The following POLR3E variants were observed in gnomAD, a reference collection of about 807,000 sequenced individuals.
POLR3E encodes RNA polymerase III subunit E.
POLR3E carries 41 observed loss-of-function variants against 96.6 expected under a neutral mutation model. That is an observed-to-expected ratio of 0.42 (90% CI 0.33 to 0.55). The LOEUF (loss-of-function observed/expected upper bound fraction) is 0.55, where lower values mean the gene tolerates loss of function less well. Among genes scored for constraint, POLR3E ranks in the 20% least tolerant of loss-of-function variants. The pLI, the probability that POLR3E is intolerant of heterozygous loss-of-function variation, is 0.06. For missense variants in POLR3E, 849 were observed against 952.1 expected (o/e 0.89, Z 1.43); for synonymous variants, 396 against 383.6 (o/e 1.03, Z -0.38).
intron 13 of POLR3E, among the ~76,000 whole-genome samples, chr16:22,320,626 A>G: frequency 6.6e-6 from 1 of 152,090 alleles, no homozygotes; most frequent in South Asian, 2.1e-4. Context: ...GTCAATCAAT[A>G]TTCTTTACTC....
At chr16:22,319,733 A>G (rs2048433120) in intron 13 of POLR3E, among the ~76,000 whole-genome samples, 1 of 152,162 alleles carries the variant, frequency 6.6e-6, no homozygotes, top group African/African-American at 2.4e-5. Flanking sequence ...CACATAATGT[A>G]CATATTTATG....
intron 4 of POLR3E, 105 bp from the exon 5 acceptor site, chr16:22,308,820 C>T (rs1030919523): frequency 4.3e-5 from 30 of 700,240 alleles, no homozygotes; most frequent in African/African-American, 7.1e-5. Flanking sequence ...GTCTCGCTTC[C>T]GGGCAGGGTC....
chr16:22,330,988 CTTTTTTTTTTTTTTTTT>C lies in POLR3E; in HGVS notation c.1945-1054_1945-1038del, dbSNP rs56100056. Among the ~76,000 whole-genome samples, 14 of 50,766 alleles carry C rather than the reference CTTTTTTTTTTTTTTTTT, an allele frequency of 2.8e-4. No individual in the cohort carries two copies. In the East Asian group the frequency reaches 2.9e-3, roughly 11 times the overall value. 33.3% of individuals were successfully genotyped at this position (50,766 alleles called of 152,430 possible). A position where few individuals can be genotyped will look rare whatever the true frequency, so the allele number is the denominator to read the frequency against. ...GACAAATAGTGATACATGAAGCATC[CTTTTTTTTTTTTTTTTT>C]TTTTTTTTTTTTTTTTTGAGACAGA... On this transcript the variant is annotated intron_variant, in intron 19 of 20. Transcript: ENST00000299853.
At position 22,322,747 on chromosome 16, in the gene POLR3E, G is replaced by T; in HGVS notation, c.987-103G>T. On this transcript the variant is annotated intron_variant, in intron 13 of 20. Transcript: ENST00000299853. This position sits in a 1 kb window ranked among gnomAD's most constrained non-coding sequence, Gnocchi z 5.2. Reference sequence around the variant, plus strand: ...GTCTTGGGGCTCAGGCCTGTACCCAGCCCACGGTGGAAAGAAGCATGGACT... The same window carrying T: ...GTCTTGGGGCTCAGGCCTGTACCCATCCCACGGTGGAAAGAAGCATGGACT... 2.6e-6 allele frequency: 2 copies of T among 776,652 alleles called. No homozygotes were observed. Among genetic ancestry groups the T allele is most frequent in the Non-Finnish European group, 4.4e-6 (2 of 457,626 alleles). 48.1% of individuals were successfully genotyped at this position (776,652 alleles called of 1,614,324 possible).
intron 9 of POLR3E, among the ~76,000 whole-genome samples, chr16:22,316,010 C>T (rs1362105129): frequency 6.6e-6 from 1 of 152,120 alleles, no homozygotes; most frequent in Non-Finnish European, 1.5e-5. Context: ...AAACTGTGTA[C>T]TGAGTGAGGG....
intron 13 of POLR3E, among the ~76,000 whole-genome samples, chr16:22,321,739 C>T (rs577324352): frequency 1.3e-5 from 2 of 152,316 alleles, no homozygotes; most frequent in Non-Finnish European, 2.9e-5. Context: ...GGTGCTGCCC[C>T]TTTTAGTTTC....
intron 5 of POLR3E, 55 bp downstream of exon 5, chr16:22,309,095 C>A: frequency 1.6e-6 from 2 of 1,258,628 alleles, no homozygotes; most frequent in Non-Finnish European, 2.3e-6. Context: ...CAGGAGCCTC[C>A]AAAAGACCTT....
At chr16:22,323,392 C>T (rs1487002688) in intron 14 of POLR3E, among the ~76,000 whole-genome samples, 1 of 152,012 alleles carries the variant, frequency 6.6e-6, no homozygotes, top group African/African-American at 2.4e-5. Flanking sequence ...GTTTGGGACT[C>T]CTGAGCTGGT....
Position 22,328,641 on chromosome 16 carries a change from C to T in POLR3E, c.1944+54C>T, listed in dbSNP as rs1018868564. The T allele has an allele frequency of 4.8e-5, 69 of 1,441,318 alleles. No individual in the cohort carries two copies. In the East Asian group the frequency reaches 5.0e-4, roughly 10 times the overall value. 89.3% of individuals were successfully genotyped at this position (1,441,318 alleles called of 1,614,324 possible). A position where few individuals can be genotyped will look rare whatever the true frequency, so the allele number is the denominator to read the frequency against. On this transcript the variant is annotated intron_variant, in intron 19 of 20. Transcript: ENST00000299853. ...GAAGAGCCAGGGGGGTTTCCTGCAG[C>T]GTTGGAGGCCTTGGGGGACATGTGC...
At chr16:22,331,355 C>T (rs1171126049) in intron 19 of POLR3E, 1 of 152,128 alleles carries the variant, frequency 6.6e-6, no homozygotes, top group Non-Finnish European at 1.5e-5. Flanking sequence ...CCTTCTTGGT[C>T]TTTTAAATTT....
chr16:22,326,601 C>T (rs2048601137), intron 18 of POLR3E: 1 of 465,510 alleles, frequency 2.1e-6, no homozygotes, highest in Admixed American at 3.6e-5. Flanking sequence ...ACACCTGTTT[C>T]CTACTAGCTT....
At chr16:22,315,018 CAG>C in intron 8 of POLR3E, 69 bp from the exon 9 acceptor site, 2 of 1,546,298 alleles carry the variant, frequency 1.3e-6, no homozygotes, top group South Asian at 2.3e-5. Context: ...GGTCTTCTGG[CAG>C]GGGCTGAGAC....
intron 2 of POLR3E, 149 bp downstream of exon 2, chr16:22,303,153 C>A (rs1396015795): frequency 5.2e-6 from 4 of 764,262 alleles, no homozygotes; most frequent in Non-Finnish European, 9.2e-6. Flanking sequence ...TCTGCTGTCC[C>A]CCAGACCCCT....
In POLR3E at chr16:22,309,431, G is replaced by T; in HGVS notation, c.285G>T (p.Lys95Asn). 6.2e-7 allele frequency: 1 copy of T among 1,612,998 alleles called. No homozygotes were observed. Among genetic ancestry groups the T allele is most frequent in the Non-Finnish European group, 8.5e-7 (1 of 1,179,260 alleles). The change falls in exon 6 of 21, where the codon AAG becomes AAT. Residue 95 changes from lysine (K) to asparagine (N), a missense_variant. Lys to Asn is a moderately conservative substitution (Grantham distance 94). Transcript: ENST00000299853. ...CADETSTYSS[K>N]LMDKQTFCSS... ...GTTGCTTCTCCCTGTGCTCCAGGAA[G>T]CTGATGGACAAGCAGACCTTCTGCT... is the stretch of plus-strand genomic sequence containing the variant.
intron 3 of POLR3E, among the ~76,000 whole-genome samples, chr16:22,307,061 C>A (rs532119717): frequency 6.6e-6 from 1 of 152,208 alleles, no homozygotes; most frequent in Non-Finnish European, 1.5e-5. Context: ...CAGTGACCCC[C>A]GTGTGTCCAG....
In POLR3E at chr16:22,318,791, T is replaced by G. The variant is rs768689918; in HGVS notation, c.866-35T>G. On this transcript the variant is annotated intron_variant, in intron 12 of 20. Transcript: ENST00000299853. The surrounding 1 kb of genome is among the most constrained non-coding windows in gnomAD (Gnocchi z 5.0). ...GGAGGGGAGGGAAGGGCCCGGCCCC[T>G]CTTCCTTGTCTGATGTCTCCTGCGT... 1.4e-5 allele frequency: 22 copies of G among 1,598,490 alleles called. No homozygotes were observed. Among genetic ancestry groups the G allele is most frequent in the Non-Finnish European group, 1.8e-5 (21 of 1,170,316 alleles).
At chr16:22,332,223 C>T in intron 20 of POLR3E, 38 bp downstream of exon 20, 2 of 1,594,168 alleles carry the variant, frequency 1.3e-6, no homozygotes, top group Non-Finnish European at 1.7e-6. Flanking sequence ...ATATCAAAGG[C>T]TCTGGAAGGG....
rs1396417428 is a variant in POLR3E, at chr16:22,326,087, G to T, written c.1675G>T (p.Ala559Ser). 3.2e-5 allele frequency: 51 copies of T among 1,613,338 alleles called. No homozygotes were observed. The highest frequency in any genetic ancestry group is 4.2e-5 in the Non-Finnish European group (50 of 1,179,674). Residue 559 changes from alanine to serine, a missense_variant, in exon 18 of 21, where the codon GCT becomes TCT. Physicochemically the swap from Ala to Ser is moderately conservative, Grantham distance 99. Transcript: ENST00000299853. ...CCAGGGCTGCGCCAGCACCCCTGTG[G>T]CTCGGGAACTGAAGGCCTTCGTGGA... ...PPQGCASTPVARELKAFVEAT... is the reference protein window; with the variant it reads ...PPQGCASTPVSRELKAFVEAT...
chr16:22,318,947 G>GT lies in POLR3E; in HGVS notation c.986+2dup. 1.3e-6 allele frequency: 2 copies of GT among 1,582,536 alleles called. No individual in the cohort carries two copies. The highest frequency in any genetic ancestry group is 2.2e-5 in the East Asian group (1 of 44,488). On this transcript the variant is annotated splice_donor_variant, in intron 13 of 20. Coordinates refer to ENST00000299853, the MANE Select transcript of POLR3E (RefSeq NM_018119.4). LOFTEE classifies it high-confidence loss of function. This position sits in a 1 kb window ranked among gnomAD's most constrained non-coding sequence, Gnocchi z 5.0. ...TCCAAGGGAACTGGGTGGTGAAGAG[G>GT]TAAGTTGCTTTTTTTATTTTTTATT... is the stretch of plus-strand genomic sequence containing the variant.
Sources: gnomAD v4.1 joint callset for allele counts (sites outside exome capture counted in the v4.1 genomes callset) on GRCh38, gnomAD v4.1.1 for gene constraint, Gnocchi (gnomAD v3.1) non-coding constraint, MANE v1.5 for transcripts, NCBI Gene and HGNC (gene_info 2026-07-23, HGNC 2026-07-21) for gene names.